The following DNASE1 variants were observed in gnomAD, a reference collection of about 807,000 sequenced individuals.
DNASE1 encodes the protein deoxyribonuclease-1.
In DNASE1, 40 loss-of-function variants were observed where a neutral mutation model predicts 33.9. That is an observed-to-expected ratio of 1.18 (90% confidence interval 0.92 to 1.54). DNASE1 has a LOEUF of 1.54. Ranked by LOEUF, DNASE1 falls within the 40% of genes most tolerant of loss-of-function variation. The pLI, the probability that DNASE1 is intolerant of heterozygous loss-of-function variation, is 0.00. For missense variants in DNASE1, 518 were observed against 372.6 expected (o/e 1.39, Z -3.21); for synonymous variants, 216 against 160.0 (o/e 1.35, Z -2.64).
rs1469432783 is a variant in DNASE1, at chr16:3,657,938, G to C, written c.834G>C (p.Glu278Asp). ...CCATCAGTGACCACTATCCAGTGGA[G>C]GTGATGCTGAAGTGAGCAGCCCCTC... ...AQAISDHYPV[E>D]VMLK Residue 278 changes from glutamate (E) to aspartate (D), a missense_variant, in exon 9 of 9, where the codon GAG becomes GAC. Physicochemically the swap from Glu to Asp is conservative, Grantham distance 45. Transcript: ENST00000246949. 1 of 1,614,076 alleles carries C rather than the reference G, an allele frequency of 6.2e-7. No homozygotes were observed. The highest frequency in any genetic ancestry group is 2.2e-5 in the East Asian group (1 of 44,880).
upstream of DNASE1, among the ~76,000 whole-genome samples, chr16:3,638,768 C>T (rs540023465): frequency 6.6e-6 from 1 of 152,322 alleles, no homozygotes; most frequent in African/African-American, 2.4e-5. Flanking sequence ...CAATTATGTG[C>T]ACATTAGACA....
chr16:3,630,650 T>C (rs1485118127), intron 1 of DNASE1, among the ~76,000 whole-genome samples: 2 of 152,204 alleles, frequency 1.3e-5, no homozygotes, highest in East Asian at 3.8e-4. Flanking sequence ...AATAGAGCCC[T>C]GCTCTCTTTT....
exon 10 of DNASE1, chr16:3,663,720 A>G (rs1448941681): frequency 1.2e-6 from 1 of 831,640 alleles, no homozygotes; most frequent in Non-Finnish European, 1.8e-6. Context: ...AGTTACTACG[A>G]CACCTGGGTC....
At chr16:3,662,747 G>C (rs1596689400), downstream of DNASE1, 1 of 808,672 alleles carries the variant, frequency 1.2e-6, no homozygotes, top group Non-Finnish European at 2.1e-6. Context: ...GGACCCACAG[G>C]GTCTCCACCT....
At chr16:3,626,365 G>A (rs114515275) in intron 1 of DNASE1, among the ~76,000 whole-genome samples, 126 of 152,298 alleles carry the variant, frequency 8.3e-4, no homozygotes, top group African/African-American at 2.9e-3. Context: ...ACAATAGCTA[G>A]TGTGGTAAGG....
Position 3,657,741 on chromosome 16 carries a change from G to C in DNASE1, c.726G>C (p.Leu242=), listed in dbSNP as rs779566278. ...AYDRIVVAGM[L]LRGAVVPDSA... is the part of the protein sequence containing the mutation. ...TCAGGATCGTGGTTGCAGGGATGCTGCTCCGAGGCGCCGTTGTTCCCGACT... is the reference window on the plus strand; with the variant it reads ...TCAGGATCGTGGTTGCAGGGATGCTCCTCCGAGGCGCCGTTGTTCCCGACT... The change falls in exon 8 of 9, where the codon CTG becomes CTC. Residue 242 remains leucine (L), a synonymous_variant. Coordinates refer to ENST00000246949, the MANE Select transcript of DNASE1 (RefSeq NM_005223.4). 1.7e-5 allele frequency: 27 copies of C among 1,614,018 alleles called. No homozygotes were observed. Among genetic ancestry groups the C allele is most frequent in the South Asian group, 5.5e-5 (5 of 91,078 alleles).
At chr16:3,644,310 C>G (rs1019117632) in intron 1 of DNASE1, among the ~76,000 whole-genome samples, 27 of 152,084 alleles carry the variant, frequency 1.8e-4, no homozygotes, top group Non-Finnish European at 1.5e-5. Context: ...CACCTGTAAT[C>G]GCAGCACCTT....
chr16:3,648,434 C>T lies in DNASE1; in HGVS notation c.-86+5398C>T, dbSNP rs1022326768. Among the ~76,000 whole-genome samples, 13 of 152,226 alleles carry T rather than the reference C, an allele frequency of 8.5e-5. No homozygotes were observed. The East Asian group carries it at 1.2e-3, about 14-fold the overall frequency. ...AAAATTAGCTGGGCGTGGTGGCGGG[C>T]GCCTGTAGTCCCAGCTACTCAGGAG... On this transcript the variant is annotated intron_variant, in intron 1 of 9. Transcript: ENST00000407479.
chr16:3,612,407 C>T (rs2040915984), intron 1 of DNASE1, among the ~76,000 whole-genome samples: 2 of 151,962 alleles, frequency 1.3e-5, no homozygotes, highest in Non-Finnish European at 2.9e-5. Context: ...CCAGTCACCA[C>T]GCCCAGCTAA....
At chr16:3,642,583 C>T (rs952169514), upstream of DNASE1, among the ~76,000 whole-genome samples, 6 of 152,180 alleles carry the variant, frequency 3.9e-5, no homozygotes, top group Non-Finnish European at 7.3e-5. Context: ...TCGGTGCTGC[C>T]GGCTGAGCCC....
intron 1 of DNASE1, among the ~76,000 whole-genome samples, chr16:3,629,929 T>G (rs2041641722): frequency 6.6e-6 from 1 of 152,214 alleles, no homozygotes; most frequent in Non-Finnish European, 1.5e-5. Flanking sequence ...TTCTCCTGCT[T>G]CAGCCTCCCA....
At chr16:3,663,617 GAAGA>G in exon 10 of DNASE1, 4 of 1,607,236 alleles carry the variant, frequency 2.5e-6, no homozygotes, top group East Asian at 2.2e-5. Flanking sequence ...AGCCACCACA[GAAGA>G]AAGGATGAGG....
chr16:3,622,421 A>G (rs1006401428), intron 1 of DNASE1, among the ~76,000 whole-genome samples: 1 of 152,072 alleles, frequency 6.6e-6, no homozygotes, highest in Non-Finnish European at 1.5e-5. Flanking sequence ...ATTAAAAGCT[A>G]CTTGTTTACC....
At chr16:3,660,339 A>AT (rs2042999940), downstream of DNASE1, 2 of 152,278 alleles carry the variant, frequency 1.3e-5, no homozygotes, top group African/African-American at 4.8e-5. Flanking sequence ...ATTTTAAAAC[A>AT]AATGAAAGTG....
At chr16:3,636,249 G>GT (rs753090788) in intron 1 of DNASE1, among the ~76,000 whole-genome samples, 4 of 114,624 alleles carry the variant, frequency 3.5e-5, no homozygotes, top group East Asian at 2.5e-4. Flanking sequence ...ACTTTTCTTA[G>GT]TTTTTTTTGT....
At chr16:3,619,659 C>G (rs1445706544) in intron 1 of DNASE1, among the ~76,000 whole-genome samples, 1 of 151,944 alleles carries the variant, frequency 6.6e-6, no homozygotes, top group African/African-American at 2.4e-5. Flanking sequence ...CTGTGCCTGG[C>G]CGCCTGTAGG....
At chr16:3,646,955 A>C (rs957335737) in intron 1 of DNASE1, among the ~76,000 whole-genome samples, 7 of 152,090 alleles carry the variant, frequency 4.6e-5, no homozygotes, top group African/African-American at 1.7e-4. Context: ...ATCTGGGGCC[A>C]TTGTGGCTGC....
chr16:3,655,357 C>T lies in DNASE1; in HGVS notation c.-1-16C>T. On this transcript the variant is annotated splice_polypyrimidine_tract_variant and intron_variant, in intron 1 of 8. Coordinates refer to ENST00000246949, the MANE Select transcript of DNASE1 (RefSeq NM_005223.4). ...GTCTCACTTCTGTTATGTCTCTGTG[C>T]CCTGTGCTCTCCCAGGATGAGGGGC... The T allele has an allele frequency of 6.2e-7, 1 of 1,613,972 alleles. No individual in the cohort carries two copies.
downstream of DNASE1, chr16:3,658,161 C>T (rs370077875): frequency 2.5e-6 from 4 of 1,613,900 alleles, no homozygotes; most frequent in African/African-American, 1.3e-5. Context: ...ACAAGCAGCT[C>T]ATTCAAGCGG....
Sources: gnomAD v4.1 joint callset for allele counts (sites outside exome capture counted in the v4.1 genomes callset) on GRCh38, gnomAD v4.1.1 for gene constraint, MANE v1.5 for transcripts, NCBI Gene and HGNC (gene_info 2026-07-23, HGNC 2026-07-21) for gene names.